The following HCK variants were observed in gnomAD, a reference collection of about 807,000 sequenced individuals.
The protein encoded by HCK is HCK proto-oncogene, Src family tyrosine kinase, also known as tyrosine-protein kinase HCK.
A neutral mutation model predicts 70.4 loss-of-function variants in HCK; 40 were observed. The ratio of observed to expected loss-of-function variants is 0.57; its 90% CI spans 0.44 to 0.74. HCK has a LOEUF of 0.74. Among genes scored for constraint, HCK ranks in the 30% least tolerant of loss-of-function variants. The probability of loss-of-function intolerance (pLI) is 0.00; values close to 1 mark genes in which losing one functional copy is unlikely to be tolerated. For missense variants in HCK, 568 were observed against 697.2 expected (o/e 0.81, Z 2.09); for synonymous variants, 245 against 263.2 (o/e 0.93, Z 0.67).
intron 1 of HCK, among the ~76,000 whole-genome samples, chr20:32,064,753 G>A (rs1050888744): frequency 3.9e-5 from 6 of 152,188 alleles, no homozygotes; most frequent in African/African-American, 1.2e-4. Flanking sequence ...AGCACAGGCC[G>A]AGTCTCTGAG....
rs2045182272 is a variant in HCK at position 32,052,288 on chromosome 20, C to T, written c.-137C>T. The T allele has an allele frequency of 6.9e-6, 4 of 576,482 alleles. No individual in the cohort carries two copies. Among genetic ancestry groups the T allele is most frequent in the Non-Finnish European group, 1.1e-5 (4 of 374,416 alleles). The allele number at this position is 576,482 out of a possible 1,614,324, so 35.7% of individuals were successfully genotyped here. On this transcript the variant is annotated 5_prime_UTR_variant, in exon 1 of 13. Coordinates refer to ENST00000375852, the MANE Select transcript of HCK (RefSeq NM_002110.5). ...CGGGAGCACATCAGAGGCTTAGAGGCGAGTGGGAAGGGACTCAGACAGTGC... is the reference window on the plus strand; with the variant it reads ...CGGGAGCACATCAGAGGCTTAGAGGTGAGTGGGAAGGGACTCAGACAGTGC...
chr20:32,074,447 T>C (rs1307152438), intron 4 of HCK, among the ~76,000 whole-genome samples, 176 bp from the exon 5 acceptor site: 1 of 151,844 alleles, frequency 6.6e-6, no homozygotes, highest in Admixed American at 6.6e-5. Flanking sequence ...GGAACTGTTG[T>C]AAGGATCCCT....
intron 1 of HCK, among the ~76,000 whole-genome samples, chr20:32,053,509 A>G (rs1006030214): frequency 6.6e-6 from 1 of 151,780 alleles, no homozygotes; most frequent in African/African-American, 2.4e-5. Context: ...GTAGTAGCAC[A>G]CACCTTTAAT....
chr20:32,053,182 C>A (rs1051958090), intron 1 of HCK, among the ~76,000 whole-genome samples: 1 of 152,000 alleles, frequency 6.6e-6, no homozygotes, highest in South Asian at 2.1e-4. Context: ...AGAGGTGGTG[C>A]GTGTGAGAGA....
In HCK at chr20:32,088,641, C is replaced by G. The variant is rs2045822548; in HGVS notation, c.1089C>G (p.Ala363=). The stretch of plus-strand genomic sequence containing the variant: ...TGCCAAAACTCATTGACTTCTCAGC[C>G]CAGGTGAGAGCCTAACGAGGAAACG... The change falls in exon 10 of 13, where the codon GCC becomes GCG. Residue 363 remains alanine (A), a synonymous_variant. Transcript: ENST00000375852. 6.2e-7 allele frequency: 1 copy of G among 1,612,174 alleles called. No individual in the cohort carries two copies. The highest frequency in any genetic ancestry group is 1.7e-5 in the Admixed American group (1 of 59,858).
At chr20:32,073,612 A>G (rs1000061017) in intron 3 of HCK, 104 bp from the exon 4 acceptor site, 1 of 737,212 alleles carries the variant, frequency 1.4e-6, no homozygotes, top group Non-Finnish European at 2.3e-6. Context: ...ACTTGGAACC[A>G]CATATCGATG....
At chr20:32,052,626 CG>C (rs2045190777) in intron 1 of HCK, 140 bp downstream of exon 1, 2 of 548,728 alleles carry the variant, frequency 3.6e-6, no homozygotes, top group South Asian at 1.2e-4. Context: ...GGGGGAGCCG[CG>C]GGTAGCCCGG....
intron 11 of HCK, 34 bp from the exon 12 acceptor site, chr20:32,098,970 G>C (rs756152529): frequency 1.9e-6 from 3 of 1,607,156 alleles, no homozygotes; most frequent in South Asian, 2.2e-5. Flanking sequence ...CTACTCCCCA[G>C]CCTTCCCCGA....
rs1278091557 is a variant in HCK, at chr20:32,101,411, G to A, written c.1473G>A (p.Met491Ile). 6.2e-7 allele frequency: 1 copy of A among 1,614,066 alleles called. No homozygotes were observed. Among genetic ancestry groups the A allele is most frequent in the Non-Finnish European group, 8.5e-7 (1 of 1,180,032 alleles). Residue 491 changes from methionine (M) to isoleucine (I), a missense_variant, in exon 13 of 13, where the codon ATG becomes ATA. By Grantham distance (10) the Met-to-Ile change is conservative (BLOSUM62 1). Transcript: ENST00000375852. ...CAGAGGAGCTCTACAACATCATGATGCGCTGCTGGAAAAACCGTCCGGAGG... is the reference window on the plus strand; with the variant it reads ...CAGAGGAGCTCTACAACATCATGATACGCTGCTGGAAAAACCGTCCGGAGG...
Position 32,086,867 on chromosome 20 carries a change from A to G in HCK, c.1015+60A>G, listed in dbSNP as rs2045796450. 4 of 1,457,162 alleles carry G rather than the reference A, an allele frequency of 2.7e-6. No homozygotes were observed. The African/African-American group carries it at 4.4e-5, about 16-fold the overall frequency. 90.3% of individuals were successfully genotyped at this position (1,457,162 alleles called of 1,614,324 possible). ...GCCTATACTGGTCAATTGCGGGCCC[A>G]AGGGTGGCTTGGACATGGTTCTTGC... On this transcript the variant is annotated intron_variant, in intron 9 of 12. Transcript: ENST00000375852.
At chr20:32,078,201 A>ATTTTTT (rs1196535364) in intron 5 of HCK, among the ~76,000 whole-genome samples, 2 of 134,638 alleles carry the variant, frequency 1.5e-5, no homozygotes, top group Non-Finnish European at 3.2e-5. Flanking sequence ...TGCTCGGCTA[A>ATTTTTT]TTTTTTTTTT....
intron 10 of HCK, 120 bp downstream of exon 10, chr20:32,088,764 G>C: frequency 1.4e-6 from 1 of 716,422 alleles, no homozygotes; most frequent in South Asian, 1.7e-5. Context: ...AATGTATTGA[G>C]AGCTCAGTAT....
At chr20:32,099,901 C>T (rs2046009947) in intron 12 of HCK, among the ~76,000 whole-genome samples, 1 of 93,554 alleles carries the variant, frequency 1.1e-5, no homozygotes, top group Non-Finnish European at 1.9e-5. Context: ...CCTTTCTCCA[C>T]CTTTTTTTTT....
At chr20:32,101,242 A>G in intron 12 of HCK, 75 bp from the exon 13 acceptor site, 1 of 1,327,586 alleles carries the variant, frequency 7.5e-7, no homozygotes, top group Non-Finnish European at 1.1e-6. Context: ...CCTGCTGGGG[A>G]GGCCACAGGG....
chr20:32,092,281 T>C (rs1600741023), intron 10 of HCK, among the ~76,000 whole-genome samples: 1 of 152,134 alleles, frequency 6.6e-6, no homozygotes, highest in Non-Finnish European at 1.5e-5. Flanking sequence ...ACATTCAGAA[T>C]TTTCCTGGTG....
At chr20:32,085,304 G>A (rs578120375) in intron 8 of HCK, among the ~76,000 whole-genome samples, 19 of 152,310 alleles carry the variant, frequency 1.2e-4, no homozygotes, top group African/African-American at 4.6e-4. Flanking sequence ...ATCAAGGTCA[G>A]CAGTTCGAGA....
rs1398258844 is a variant in HCK at position 32,083,905 on chromosome 20, T to C, written c.544T>C (p.Leu182=). 1.2e-6 allele frequency: 2 copies of C among 1,614,052 alleles called. No homozygotes were observed. The highest frequency in any genetic ancestry group is 2.2e-5 in the East Asian group (1 of 44,892). ...TTTGGTCAATTCAGGAAGCTACTCT[T>C]TGTCCGTGCGAGACTACGACCCTCG... Residue 182 remains leucine, a synonymous_variant, in exon 7 of 13, where the codon TTG becomes CTG. Coordinates refer to ENST00000375852, the MANE Select transcript of HCK (RefSeq NM_002110.5).
Position 32,084,042 on chromosome 20 carries a change from G to A in HCK, c.681G>A (p.Lys227=). 1 of 1,613,324 alleles carries A rather than the reference G, an allele frequency of 6.2e-7. No individual in the cohort carries two copies. The highest frequency in any genetic ancestry group is 8.5e-7 in the Non-Finnish European group (1 of 1,179,890). The stretch of plus-strand genomic sequence containing the variant: ...TGCAGGAGCTGGTGGACCACTACAA[G>A]AGTGAGTCCCACCCCAGGGGTGACA... Residue 227 remains lysine, a splice_region_variant and synonymous_variant, in exon 7 of 13, where the codon AAG becomes AAA. Coordinates refer to ENST00000375852, the MANE Select transcript of HCK (RefSeq NM_002110.5).
At chr20:32,101,263 C>A in intron 12 of HCK, 54 bp from the exon 13 acceptor site, 2 of 1,553,572 alleles carry the variant, frequency 1.3e-6, no homozygotes, top group Non-Finnish European at 1.8e-6. Context: ...CCTGCCACCC[C>A]TGGGCTCTCA....
Sources: allele counts gnomAD v4.1 joint callset (sites outside exome capture counted in the v4.1 genomes callset), GRCh38; gene constraint gnomAD v4.1.1; transcripts MANE v1.5; gene names NCBI Gene and HGNC (gene_info 2026-07-23, HGNC 2026-07-21).